The following RRP15 variants were observed in gnomAD, a reference collection of about 807,000 sequenced individuals.
The protein encoded by RRP15 is ribosomal RNA processing 15 homolog.
A neutral mutation model predicts 27.1 loss-of-function variants in RRP15; 18 were observed. The ratio of observed to expected loss-of-function variants is 0.66; its 90% CI spans 0.46 to 0.98. The LOEUF is 0.98. Among genes scored for constraint, RRP15 ranks in the 50% least tolerant of loss-of-function variants. RRP15 has a pLI of 0.00. For missense variants in RRP15, 359 were observed against 337.8 expected (o/e 1.06, Z -0.49); for synonymous variants, 107 against 109.4 (o/e 0.98, Z 0.14).
intron 1 of RRP15, among the ~76,000 whole-genome samples, chr1:218,286,790 C>A (rs1655555048): frequency 6.6e-6 from 1 of 152,134 alleles, no homozygotes; most frequent in Non-Finnish European, 1.5e-5. Flanking sequence ...TCATCTCCTG[C>A]CACATTGTTA....
At chr1:218,298,882 G>A (rs76318322) in intron 1 of RRP15, among the ~76,000 whole-genome samples, 9 of 152,234 alleles carry the variant, frequency 5.9e-5, no homozygotes, top group East Asian at 5.8e-4. Flanking sequence ...AGCATCCTTT[G>A]TAGTCCTTTA....
At chr1:218,317,758 C>T (rs1656113318) in intron 4 of RRP15, among the ~76,000 whole-genome samples, 2 of 118,666 alleles carry the variant, frequency 1.7e-5, no homozygotes, top group Non-Finnish European at 3.4e-5. Context: ...AATTTAAAGA[C>T]AGGGTCTTGG....
At position 218,333,700 on chromosome 1, in the gene RRP15, G is replaced by C. The variant is rs773567891; in HGVS notation, c.*2609G>C. 1 of 152,228 alleles carries C rather than the reference G, an allele frequency of 6.6e-6. No individual in the cohort carries two copies. The highest frequency in any genetic ancestry group is 2.4e-5 in the African/African-American group (1 of 41,408). 9.4% of individuals were successfully genotyped at this position (152,228 alleles called of 1,614,324 possible). A position where few individuals can be genotyped will look rare whatever the true frequency, so the allele number is the denominator to read the frequency against. On this transcript the variant is annotated 3_prime_UTR_variant, in exon 5 of 5. Transcript: ENST00000366932. ...TTTGATGTAGATGGGGTTACCCCAT[G>C]TTGCCCAGGCTGGTTGTGAACTCCT...
chr1:218,293,430 GA>G (rs1203684152), intron 1 of RRP15, among the ~76,000 whole-genome samples: 1 of 152,146 alleles, frequency 6.6e-6, no homozygotes, highest in Non-Finnish European at 1.5e-5. Flanking sequence ...ATAGTACTGA[GA>G]AACTATAAAG....
chr1:218,330,887 C>A, intron 4 of RRP15, 61 bp from the exon 5 acceptor site: 1 of 1,494,488 alleles, frequency 6.7e-7, no homozygotes, highest in Non-Finnish European at 9.2e-7. Context: ...TAGCTTGTAC[C>A]TTTTTGTTTC....
intron 3 of RRP15, among the ~76,000 whole-genome samples, chr1:218,306,134 C>G (rs1328611483): frequency 6.6e-6 from 1 of 152,120 alleles, no homozygotes; most frequent in Non-Finnish European, 1.5e-5. Context: ...TGTGAAGGGT[C>G]TGGAATTTTA....
In RRP15 at chr1:218,307,713, A is replaced by G. The variant is rs1655922919; in HGVS notation, c.705+81A>G. On this transcript the variant is annotated intron_variant, in intron 4 of 4. Transcript: ENST00000366932. ...TTGAGATGGAAAACCAGACTATAGA[A>G]TTACAGAGTTTTGTGTTTTTTTCCT... The G allele has an allele frequency of 6.4e-6, 6 of 937,796 alleles. No individual in the cohort carries two copies. In the East Asian group the frequency reaches 1.6e-4, roughly 24 times the overall value. 58.1% of individuals were successfully genotyped at this position (937,796 alleles called of 1,614,324 possible).
rs952771398 is a variant in RRP15 at position 218,289,937 on chromosome 1, C to T, written c.139+4482C>T. The stretch of plus-strand genomic sequence containing the variant: ...CCTCAGGTGATCCACCCACCTTGGC[C>T]TCCCAAAGTGCTGGGATTACAGGCA... On this transcript the variant is annotated intron_variant, in intron 1 of 4. Transcript: ENST00000366932. 3.9e-5 allele frequency among the ~76,000 whole-genome samples: 6 copies of T among 152,226 alleles called. No individual in the cohort carries two copies. The South Asian group carries it at 1.0e-3, about 26-fold the overall frequency.
At chr1:218,326,882 G>T (rs1298579815) in intron 4 of RRP15, among the ~76,000 whole-genome samples, 1 of 152,196 alleles carries the variant, frequency 6.6e-6, no homozygotes, top group Non-Finnish European at 1.5e-5. Context: ...GTTTCTCAAA[G>T]CATACCTTTC....
intron 1 of RRP15, among the ~76,000 whole-genome samples, chr1:218,289,807 C>T (rs2102490348): frequency 6.6e-6 from 1 of 152,290 alleles, no homozygotes; most frequent in African/African-American, 2.4e-5. Context: ...CTCAGCCTCC[C>T]AAGTAGCTGG....
At chr1:218,299,500 G>A (rs1209445950) in intron 1 of RRP15, among the ~76,000 whole-genome samples, 3 of 152,020 alleles carry the variant, frequency 2.0e-5, no homozygotes, top group Non-Finnish European at 2.9e-5. Flanking sequence ...AAAGTGTTTC[G>A]GCTTGCTTTG....
intron 1 of RRP15, among the ~76,000 whole-genome samples, chr1:218,291,374 G>A (rs904163951): frequency 6.6e-6 from 1 of 151,792 alleles, no homozygotes; most frequent in Non-Finnish European, 1.5e-5. Context: ...GAACCTGGGA[G>A]GCAGAGGTTG....
intron 3 of RRP15, among the ~76,000 whole-genome samples, chr1:218,305,700 A>G (rs1216125672): frequency 1.3e-5 from 2 of 152,196 alleles, no homozygotes; most frequent in Admixed American, 6.5e-5. Context: ...TTGAGAAGGC[A>G]TTACAGAGGA....
intron 1 of RRP15, among the ~76,000 whole-genome samples, chr1:218,293,263 A>G (rs1338071459): frequency 6.6e-6 from 1 of 152,198 alleles, no homozygotes; most frequent in East Asian, 1.9e-4. Context: ...TCTTTGGCTT[A>G]ACTCAGAATT....
chr1:218,311,081 A>G lies in RRP15; in HGVS notation c.705+3449A>G, dbSNP rs901791152. On this transcript the variant is annotated intron_variant, in intron 4 of 4. Coordinates refer to ENST00000366932, the MANE Select transcript of RRP15 (RefSeq NM_016052.4). Reference sequence around the variant, plus strand: ...TCATTTTTCTTAGAGTCTTTTCTGCATTAGAATTTTATTATCAAAGCAATA... The same window carrying G: ...TCATTTTTCTTAGAGTCTTTTCTGCGTTAGAATTTTATTATCAAAGCAATA... 2.0e-5 allele frequency among the ~76,000 whole-genome samples: 3 copies of G among 152,184 alleles called. No homozygotes were observed. The East Asian group carries it at 5.8e-4, about 29-fold the overall frequency.
Position 218,332,642 on chromosome 1 carries a change from G to A in RRP15, c.*1551G>A, listed in dbSNP as rs1656388851. ...CTAAAGCTGAATCAGTCTGTGGCCT[G>A]GTATTTGTTATCATAAAGGAAGATG... On this transcript the variant is annotated 3_prime_UTR_variant, in exon 5 of 5. Coordinates refer to ENST00000366932, the MANE Select transcript of RRP15 (RefSeq NM_016052.4). The A allele has an allele frequency of 6.6e-6, 1 of 151,944 alleles. No individual in the cohort carries two copies. The highest frequency in any genetic ancestry group is 2.4e-5 in the African/African-American group (1 of 41,358). 9.4% of individuals were successfully genotyped at this position (151,944 alleles called of 1,614,324 possible).
rs188763996 is a variant in RRP15 at position 218,300,409 on chromosome 1, G to C, written c.140-1885G>C. ...TTTGTTATTAATTTTTACTTGAAAC[G>C]TATTAATGTTTTACATCATTTTTTG... On this transcript the variant is annotated intron_variant, in intron 1 of 4. Transcript: ENST00000366932. Among the ~76,000 whole-genome samples the C allele has an allele frequency of 3.3e-5, 5 of 152,040 alleles. No homozygotes were observed. In the South Asian group the frequency reaches 1.0e-3, roughly 32 times the overall value.
chr1:218,320,275 T>C (rs1030922264), intron 4 of RRP15, among the ~76,000 whole-genome samples: 3 of 143,058 alleles, frequency 2.1e-5, no homozygotes, highest in African/African-American at 7.8e-5. Context: ...GCGTTCTCAC[T>C]GTTCAATTCC....
Position 218,302,400 on chromosome 1 carries a change from A to C in RRP15, c.246A>C (p.Gly82=). The change falls in exon 2 of 5, where the codon GGA becomes GGC. Residue 82 remains glycine (G), a synonymous_variant. Transcript: ENST00000366932. The stretch of plus-strand genomic sequence containing the variant: ...GTGACAAAGAAAATGAAAATGATGG[A>C]GAATCAAGTGTTGGGACTAATATGG... The part of the protein sequence containing the change: ...EPCDKENEND[G]ESSVGTNMGW... 1 of 1,614,088 alleles carries C rather than the reference A, an allele frequency of 6.2e-7. No homozygotes were observed. Among genetic ancestry groups the C allele is most frequent in the South Asian group, 1.1e-5 (1 of 91,082 alleles).
Sources: gnomAD v4.1 joint callset for allele counts (sites outside exome capture counted in the v4.1 genomes callset) on GRCh38, gnomAD v4.1.1 for gene constraint, MANE v1.5 for transcripts, NCBI Gene and HGNC (gene_info 2026-07-23, HGNC 2026-07-21) for gene names.